RPTOR: variants seen among roughly 807,000 people sequenced by gnomAD.
The protein encoded by RPTOR is regulatory associated protein of MTOR complex 1.
In RPTOR, 21 loss-of-function variants were observed where a neutral mutation model predicts 169.9. That is an observed-to-expected ratio of 0.12 (90% confidence interval 0.09 to 0.18). The LOEUF (loss-of-function observed/expected upper bound fraction) is 0.18, where lower values mean the gene tolerates loss of function less well. Among genes scored for constraint, RPTOR ranks in the 10% least tolerant of loss-of-function variants. The probability of loss-of-function intolerance (pLI) is 1.00; values close to 1 mark genes in which losing one functional copy is unlikely to be tolerated. For missense variants in RPTOR, 1,133 were observed against 1,855.9 expected (o/e 0.61, Z 7.16); for synonymous variants, 732 against 753.2 (o/e 0.97, Z 0.46).
At chr17:80,764,117 GTTATTTTATTTTATTTTATT>G (rs71164002) in intron 6 of RPTOR, among the ~76,000 whole-genome samples, 304 of 138,564 alleles carry the variant, frequency 2.2e-3, no homozygotes, top group South Asian at 2.6e-3. Flanking sequence ...GACTTCTTTT[GTTATTTTATTTTATTTTATT>G]TTATTTTATT....
At chr17:80,635,342 C>T (rs2065497797) in intron 2 of RPTOR, among the ~76,000 whole-genome samples, 1 of 152,212 alleles carries the variant, frequency 6.6e-6, no homozygotes, top group Non-Finnish European at 1.5e-5. Flanking sequence ...CATCCTGAGA[C>T]AGATGCCAGC....
At position 80,963,824 on chromosome 17, in the gene RPTOR, C is replaced by T. The variant is rs1341024482; in HGVS notation, c.3940-438C>T. 8.0e-5 allele frequency among the ~76,000 whole-genome samples: 11 copies of T among 137,918 alleles called. 1 individual carries two copies. The South Asian group carries it at 2.7e-3, about 34-fold the overall frequency. The allele number at this position is 137,918 out of a possible 152,430, so 90.5% of individuals were successfully genotyped here. A position where few individuals can be genotyped will look rare whatever the true frequency, so the allele number is the denominator to read the frequency against. On this transcript the variant is annotated intron_variant, in intron 33 of 33. Transcript: ENST00000306801. ...GCCCTCACCCCGTCCGCTGTGCGGC[C>T]GAGTCCTCACCCTGTCCCCTGTGCG...
intron 1 of RPTOR, among the ~76,000 whole-genome samples, chr17:80,595,762 A>G (rs958424002): frequency 6.6e-5 from 10 of 152,184 alleles, no homozygotes; most frequent in Middle Eastern, 3.4e-3. Flanking sequence ...CAGTGGCAGG[A>G]GGGTTTTTAT....
At chr17:80,597,368 G>A (rs751644560) in intron 1 of RPTOR, among the ~76,000 whole-genome samples, 3 of 152,134 alleles carry the variant, frequency 2.0e-5, no homozygotes, top group Non-Finnish European at 4.4e-5. Flanking sequence ...TGGCTTGGGT[G>A]GGGATGACTA....
At chr17:80,834,899 GCA>G (rs1472888717) in intron 9 of RPTOR, among the ~76,000 whole-genome samples, 1 of 152,160 alleles carries the variant, frequency 6.6e-6, no homozygotes. Flanking sequence ...CCCCTAACTT[GCA>G]CACACTTTCT....
intron 6 of RPTOR, among the ~76,000 whole-genome samples, chr17:80,775,540 G>T (rs2066884825): frequency 6.6e-6 from 1 of 152,172 alleles, no homozygotes; most frequent in Non-Finnish European, 1.5e-5. Flanking sequence ...AGCCAGCCCT[G>T]GTTTCCCACT....
At chr17:80,692,996 C>T (rs955634351) in intron 3 of RPTOR, among the ~76,000 whole-genome samples, 3 of 152,326 alleles carry the variant, frequency 2.0e-5, no homozygotes, top group Admixed American at 6.5e-5. Flanking sequence ...TACGCACACA[C>T]GCACACAGTG....
At chr17:80,734,393 C>T (rs1347133927) in intron 5 of RPTOR, among the ~76,000 whole-genome samples, 1 of 152,200 alleles carries the variant, frequency 6.6e-6, no homozygotes, top group East Asian at 1.9e-4. Context: ...ACTTCTTCCC[C>T]TCTCTCGATT....
intron 3 of RPTOR, among the ~76,000 whole-genome samples, chr17:80,664,030 G>A (rs1185619004): frequency 6.6e-6 from 1 of 152,160 alleles, no homozygotes; most frequent in Non-Finnish European, 1.5e-5. Flanking sequence ...AGAAACCTTG[G>A]AGGAGTCACT....
intron 3 of RPTOR, among the ~76,000 whole-genome samples, chr17:80,666,724 C>T (rs2065782622): frequency 6.6e-6 from 1 of 152,162 alleles, no homozygotes; most frequent in Non-Finnish European, 1.5e-5. Context: ...CAACATTGCC[C>T]CTGCTGTAGT....
At chr17:80,943,535 C>T (rs1348467604) in intron 25 of RPTOR, among the ~76,000 whole-genome samples, 2 of 152,228 alleles carry the variant, frequency 1.3e-5, no homozygotes, top group South Asian at 2.1e-4. Flanking sequence ...AGGCTGGGCT[C>T]CTCCTGCTGC....
chr17:80,753,585 A>G (rs1217403711), intron 5 of RPTOR, among the ~76,000 whole-genome samples: 1 of 144,196 alleles, frequency 6.9e-6, no homozygotes, highest in Non-Finnish European at 1.5e-5. Flanking sequence ...GTGAGTCGAG[A>G]TCGCGCCACT....
rs1567854330 is a variant in RPTOR, at chr17:80,681,662, G to GTTGAATTTCATTTGATTCTTAAATATT, written c.349-26178_349-26177insTGAATTTCATTTGATTCTTAAATATTT. Among the ~76,000 whole-genome samples the GTTGAATTTCATTTGATTCTTAAATATT allele has an allele frequency of 1.2e-3, 99 of 85,192 alleles. 3 individuals are homozygous for GTTGAATTTCATTTGATTCTTAAATATT. The highest frequency in any genetic ancestry group is 2.7e-3 in the African/African-American group (37 of 13,692). The allele number at this position is 85,192 out of a possible 152,430, so 55.9% of individuals were successfully genotyped here. ...TGTACGTCTCTTACACCTTCATGAG[G>GTTGAATTTCATTTGATTCTTAAATATT]TGTACGTCTCTTACAGCTTCATGAG... On this transcript the variant is annotated intron_variant, in intron 3 of 33. Coordinates refer to ENST00000306801, the MANE Select transcript of RPTOR (RefSeq NM_020761.3).
chr17:80,689,078 G>A (rs1353393445), intron 3 of RPTOR, among the ~76,000 whole-genome samples: 1 of 152,236 alleles, frequency 6.6e-6, no homozygotes, highest in Non-Finnish European at 1.5e-5. Context: ...CCTAAAAATG[G>A]CACCTTAAGG....
Position 80,754,303 on chromosome 17 carries a change from G to A in RPTOR, c.830+118G>A. 1 of 992,180 alleles carries A rather than the reference G, an allele frequency of 1.0e-6. No individual in the cohort carries two copies. The highest frequency in any genetic ancestry group is 1.5e-6 in the Non-Finnish European group (1 of 676,258). The allele number at this position is 992,180 out of a possible 1,614,324, so 61.5% of individuals were successfully genotyped here. A position where few individuals can be genotyped will look rare whatever the true frequency, so the allele number is the denominator to read the frequency against. On this transcript the variant is annotated intron_variant, in intron 6 of 33. Transcript: ENST00000306801. This position sits in a 1 kb window ranked among gnomAD's most constrained non-coding sequence, Gnocchi z 4.2. ...CCAGGAGCCCACGTGACAGACATGA[G>A]TGTCCCCGCCTTCTTTTTGTGTCAT...
At chr17:80,848,944 C>T (rs550098492) in intron 11 of RPTOR, among the ~76,000 whole-genome samples, 203 of 152,316 alleles carry the variant, frequency 1.3e-3, no homozygotes, top group African/African-American at 4.7e-3. Context: ...GGGCATTTCC[C>T]ACATGATTTT....
rs556407171 is a variant in RPTOR at position 80,566,497 on chromosome 17, G to A, written c.162+20706G>A. On this transcript the variant is annotated intron_variant, in intron 1 of 33. Coordinates refer to ENST00000306801, the MANE Select transcript of RPTOR (RefSeq NM_020761.3). ...AGGTATACACTTATACACAGGTATG[G>A]GAGGTAGGGGTAGGTAGAATTATAA... 2.6e-3 allele frequency among the ~76,000 whole-genome samples: 403 copies of A among 152,162 alleles called. 2 individuals carry two copies. The highest frequency in any genetic ancestry group is 8.3e-3 in the African/African-American group (343 of 41,500).
At chr17:80,586,494 A>G (rs1461958896) in intron 1 of RPTOR, among the ~76,000 whole-genome samples, 3 of 152,246 alleles carry the variant, frequency 2.0e-5, no homozygotes, top group Non-Finnish European at 2.9e-5. Context: ...ACAAAGAATT[A>G]AAAGGAAAAA....
At position 80,545,495 on chromosome 17, in the gene RPTOR, C is replaced by T. The variant is rs1455008489; in HGVS notation, c.-135C>T. 4.5e-6 allele frequency: 3 copies of T among 672,312 alleles called. No homozygotes were observed. The highest frequency in any genetic ancestry group is 2.0e-5 in the South Asian group (1 of 51,238). The allele number at this position is 672,312 out of a possible 1,614,324, so 41.6% of individuals were successfully genotyped here. A position where few individuals can be genotyped will look rare whatever the true frequency, so the allele number is the denominator to read the frequency against. ...AGACTTTTGCCTGAGTAAGGGTCTC[C>T]GCACTCTTTATCCATTTGGTTTTCG... On this transcript the variant is annotated 5_prime_UTR_variant, in exon 1 of 34. Coordinates refer to ENST00000306801, the MANE Select transcript of RPTOR (RefSeq NM_020761.3).
Sources: allele counts gnomAD v4.1 joint callset (sites outside exome capture counted in the v4.1 genomes callset), GRCh38; gene constraint gnomAD v4.1.1; non-coding constraint Gnocchi (gnomAD v3.1); transcripts MANE v1.5; gene names NCBI Gene and HGNC (gene_info 2026-07-23, HGNC 2026-07-21).